Variants in CNTNAP5 observed in about 807,000 individuals in gnomAD.
The protein encoded by CNTNAP5 is contactin-associated protein-like 5.
A neutral mutation model predicts 150.2 loss-of-function variants in CNTNAP5; 72 were observed. The ratio of observed to expected loss-of-function variants is 0.48; its 90% CI spans 0.40 to 0.58. CNTNAP5 has a LOEUF of 0.58. Among genes scored for constraint, CNTNAP5 ranks in the 20% least tolerant of loss-of-function variants. The pLI is 0.00. For missense variants in CNTNAP5, 1,636 were observed against 1,626.2 expected (o/e 1.01, Z -0.10); for synonymous variants, 672 against 619.8 (o/e 1.08, Z -1.25).
At chr2:124,121,163 CAA>C in intron 1 of CNTNAP5, among the ~76,000 whole-genome samples, 1 of 151,234 alleles carries the variant, frequency 6.6e-6, no homozygotes, top group Non-Finnish European at 1.5e-5. Context: ...CACACACACA[CAA>C]ACACACATGC....
intron 11 of CNTNAP5, among the ~76,000 whole-genome samples, chr2:124,608,236 A>T (rs1219362004): frequency 6.6e-6 from 1 of 152,160 alleles, no homozygotes; most frequent in Admixed American, 6.5e-5. Flanking sequence ...GGGTGACATG[A>T]TTGGAGATGT....
intron 5 of CNTNAP5, among the ~76,000 whole-genome samples, chr2:124,439,356 C>G (rs1266172890): frequency 6.6e-6 from 1 of 152,184 alleles, no homozygotes; most frequent in East Asian, 1.9e-4. Flanking sequence ...TCTCTATTTT[C>G]AAGAGGCTGT....
intron 14 of CNTNAP5, among the ~76,000 whole-genome samples, chr2:124,751,279 G>A (rs571987881): frequency 3.9e-5 from 6 of 152,188 alleles, no homozygotes; most frequent in South Asian, 2.1e-4. Context: ...AAAAATCACC[G>A]GCCTCTTAAA....
chr2:124,700,079 C>T (rs1205899915), intron 13 of CNTNAP5, among the ~76,000 whole-genome samples: 1 of 152,090 alleles, frequency 6.6e-6, no homozygotes, highest in Non-Finnish European at 1.5e-5. Flanking sequence ...ATGGATTTGC[C>T]TATTCTGGAT....
At chr2:124,396,036 C>T (rs913928812) in intron 3 of CNTNAP5, among the ~76,000 whole-genome samples, 1 of 152,126 alleles carries the variant, frequency 6.6e-6, no homozygotes, top group African/African-American at 2.4e-5. Flanking sequence ...TGTGTCTGGC[C>T]AATGACATTG....
Position 124,763,725 on chromosome 2 carries a change from T to C in CNTNAP5, c.2288T>C (p.Ile763Thr), listed in dbSNP as rs1217270590. The C allele has an allele frequency of 6.2e-7, 1 of 1,613,000 alleles. No homozygotes were observed. The highest frequency in any genetic ancestry group is 1.7e-5 in the Admixed American group (1 of 59,880). The change falls in exon 15 of 24, where the codon ATA (isoleucine) becomes ACA (threonine). Residue 763 changes from isoleucine to threonine, a missense_variant. Transcript: ENST00000682447. The stretch of plus-strand genomic sequence containing the variant: ...AAAGACCACTTGCCTGTCACTCAGA[T>C]AGTTATCACTGATACCGACAGATCA... ...SFKDHLPVTQ[I>T]VITDTDRSNS...
intron 1 of CNTNAP5, among the ~76,000 whole-genome samples, chr2:124,038,730 G>A (rs974890755): frequency 3.9e-5 from 6 of 152,222 alleles, no homozygotes; most frequent in African/African-American, 1.4e-4. Flanking sequence ...CATCCAGCCT[G>A]CCCTTCTTCT....
At chr2:124,890,759 G>T (rs983850995) in intron 21 of CNTNAP5, among the ~76,000 whole-genome samples, 3 of 152,082 alleles carry the variant, frequency 2.0e-5, no homozygotes, top group African/African-American at 4.8e-5. Context: ...GTGCAGGAAG[G>T]TTGAAGGAGT....
At chr2:124,391,738 G>A (rs1174979407) in intron 3 of CNTNAP5, among the ~76,000 whole-genome samples, 1 of 152,154 alleles carries the variant, frequency 6.6e-6, no homozygotes, top group South Asian at 2.1e-4. Flanking sequence ...GGCGGATCAC[G>A]AGGTCAGGAG....
chr2:124,395,757 G>T (rs1183276265), intron 3 of CNTNAP5, among the ~76,000 whole-genome samples: 1 of 152,068 alleles, frequency 6.6e-6, no homozygotes, highest in Non-Finnish European at 1.5e-5. Context: ...TAACTAATAT[G>T]CATGCATATA....
intron 1 of CNTNAP5, among the ~76,000 whole-genome samples, chr2:124,219,186 C>G (rs1053204121): frequency 2.6e-5 from 4 of 152,062 alleles, no homozygotes; most frequent in African/African-American, 4.8e-5. Flanking sequence ...ACAGTCAATT[C>G]TGCTACAACA....
chr2:124,364,198 A>T (rs2553631), intron 3 of CNTNAP5, among the ~76,000 whole-genome samples: 8,686 of 152,164 alleles, frequency 0.057, 319 homozygotes, highest in East Asian at 0.11. Context: ...CTCCAGCCAC[A>T]TTGGCTGACT....
chr2:124,728,015 C>T (rs1680196783), intron 13 of CNTNAP5, among the ~76,000 whole-genome samples: 2 of 151,888 alleles, frequency 1.3e-5, no homozygotes, highest in South Asian at 4.1e-4. Context: ...TATCATGAAG[C>T]AATGTTGAAT....
At chr2:124,875,401 G>A (rs1677833807) in intron 21 of CNTNAP5, among the ~76,000 whole-genome samples, 1 of 152,056 alleles carries the variant, frequency 6.6e-6, no homozygotes, top group African/African-American at 2.4e-5. Flanking sequence ...AAACCAGGAA[G>A]CAAAATTCTA....
At chr2:124,862,317 T>C (rs1677543697) in intron 19 of CNTNAP5, among the ~76,000 whole-genome samples, 5 of 152,318 alleles carry the variant, frequency 3.3e-5, no homozygotes. Flanking sequence ...TCAGAGAAAT[T>C]GCATCGCATT....
chr2:124,123,778 T>C (rs759600112), intron 1 of CNTNAP5, among the ~76,000 whole-genome samples: 6 of 152,152 alleles, frequency 3.9e-5, no homozygotes, highest in Non-Finnish European at 7.4e-5. Flanking sequence ...CCGCTAGTGA[T>C]ACCCAGGCAA....
intron 18 of CNTNAP5, among the ~76,000 whole-genome samples, chr2:124,795,935 A>C (rs932706552): frequency 6.6e-6 from 1 of 151,964 alleles, no homozygotes; most frequent in African/African-American, 2.4e-5. Context: ...GGCCTTGGAG[A>C]ATCATCATGG....
At chr2:124,247,895 G>A (rs1475233173) in intron 3 of CNTNAP5, among the ~76,000 whole-genome samples, 1 of 152,070 alleles carries the variant, frequency 6.6e-6, no homozygotes, top group Admixed American at 6.6e-5. Context: ...GTAGGAACAT[G>A]GTCTCAAATA....
At chr2:124,538,978 C>T (rs1695312785) in intron 10 of CNTNAP5, among the ~76,000 whole-genome samples, 1 of 152,130 alleles carries the variant, frequency 6.6e-6, no homozygotes, top group African/African-American at 2.4e-5. Context: ...TAATTTTTTC[C>T]TCATTTACAT....
Sources: allele counts gnomAD v4.1 joint callset (sites outside exome capture counted in the v4.1 genomes callset), GRCh38; gene constraint gnomAD v4.1.1; transcripts MANE v1.5; gene names NCBI Gene and HGNC (gene_info 2026-07-23, HGNC 2026-07-21).